The following MYT1L variants were observed in gnomAD, a reference collection of about 807,000 sequenced individuals.
MYT1L encodes the protein myelin transcription factor 1-like protein.
Under a neutral mutation model 126.7 loss-of-function variants are expected in MYT1L, and 12 were observed. The observed-to-expected ratio is 0.09, with a 90% CI of 0.06 to 0.15. The LOEUF (loss-of-function observed/expected upper bound fraction) is 0.15, where lower values mean the gene tolerates loss of function less well. Among genes scored for constraint, MYT1L ranks in the 10% least tolerant of loss-of-function variants. MYT1L has a pLI of 1.00. For synonymous variants in MYT1L, 541 were observed against 604.2 expected, an observed-to-expected ratio of 0.90 and a Z score of 1.53; for missense variants, 979 against 1,585.2, an observed-to-expected ratio of 0.62 and a Z score of 6.49.
chr2:2,156,618 C>T (rs2086767592), intron 3 of MYT1L, among the ~76,000 whole-genome samples: 1 of 152,170 alleles, frequency 6.6e-6, no homozygotes, highest in African/African-American at 2.4e-5. Context: ...TTGCCCTTAC[C>T]AGAGGAGACG....
At position 2,214,547 on chromosome 2, in the gene MYT1L, G is replaced by C. The variant is rs541885646; in HGVS notation, c.-420-41559C>G. On this transcript the variant is annotated intron_variant, in intron 2 of 24. Coordinates refer to ENST00000647738, the MANE Select transcript of MYT1L (RefSeq NM_001303052.2). ...ATCATCAGAAAAAGAAATGCAAATA[G>C]AAAGATAGAACACCATCTTTAAAGT... Among the ~76,000 whole-genome samples, 228 of 152,260 alleles carry C rather than the reference G, an allele frequency of 1.5e-3. 1 individual carries two copies. Among genetic ancestry groups the C allele is most frequent in the Non-Finnish European group, 2.2e-3 (148 of 67,998 alleles).
chr2:1,846,766 C>T (rs969079000), intron 19 of MYT1L, among the ~76,000 whole-genome samples: 9 of 152,158 alleles, frequency 5.9e-5, no homozygotes, highest in African/African-American at 1.4e-4. Flanking sequence ...TGTGACCCTC[C>T]GGACCCTCTG....
At chr2:1,907,853 G>A (rs1312915483) in intron 13 of MYT1L, among the ~76,000 whole-genome samples, 1 of 152,254 alleles carries the variant, frequency 6.6e-6, no homozygotes, top group African/African-American at 2.4e-5. Context: ...TTGTCCTCCA[G>A]CTGTCACACC....
chr2:2,261,138 A>AGT (rs1405599866), intron 2 of MYT1L, among the ~76,000 whole-genome samples: 5 of 128,622 alleles, frequency 3.9e-5, no homozygotes, highest in East Asian at 3.2e-4. Context: ...TGTGTGTGTG[A>AGT]GTGCGTGTGT....
intron 2 of MYT1L, among the ~76,000 whole-genome samples, chr2:2,259,734 T>A (rs1572913101): frequency 1.3e-5 from 2 of 152,112 alleles, no homozygotes; most frequent in South Asian, 4.1e-4. Context: ...GATGTCAAGG[T>A]ACGGGTCATC....
chr2:1,840,907 T>TC (rs2041583147), intron 19 of MYT1L, 64 bp from the exon 20 acceptor site: 2 of 922,520 alleles, frequency 2.2e-6, no homozygotes, highest in Admixed American at 3.0e-5. Flanking sequence ...TTTCTTTCTT[T>TC]TTTTTTTTTT....
intron 21 of MYT1L, among the ~76,000 whole-genome samples, chr2:1,830,481 G>A (rs1290125086): frequency 6.6e-6 from 1 of 152,044 alleles, no homozygotes; most frequent in East Asian, 1.9e-4. Context: ...TGGAGGAAAG[G>A]GTGTTCTCGG....
intron 8 of MYT1L, among the ~76,000 whole-genome samples, chr2:1,969,824 C>G (rs1004185700): frequency 1.3e-5 from 2 of 152,122 alleles, no homozygotes; most frequent in African/African-American, 4.8e-5. Flanking sequence ...GCAGGAGGTG[C>G]AGGAGGATGG....
chr2:1,835,656 G>A (rs913428655), intron 21 of MYT1L, among the ~76,000 whole-genome samples: 6 of 152,110 alleles, frequency 3.9e-5, no homozygotes, highest in South Asian at 4.2e-4. Flanking sequence ...CCACTACTCC[G>A]GGTTTTCCTT....
intron 2 of MYT1L, among the ~76,000 whole-genome samples, chr2:2,202,534 A>C (rs2093127885): frequency 6.6e-6 from 1 of 152,192 alleles, no homozygotes; most frequent in Non-Finnish European, 1.5e-5. Context: ...GAAATGGATA[A>C]ATTCATCAAC....
chr2:2,267,956 C>T lies in MYT1L; in HGVS notation c.-421+16448G>A, dbSNP rs113070587. 5.0e-3 allele frequency among the ~76,000 whole-genome samples: 764 copies of T among 152,180 alleles called. 4 individuals carry two copies. The highest frequency in any genetic ancestry group is 0.017 in the Middle Eastern group (5 of 292). On this transcript the variant is annotated intron_variant, in intron 2 of 24. Transcript: ENST00000647738. ...CCTTTAAGGTCACGCATCCAATACC[C>T]GCTTTGCATGTCTAACTTCAACATT...
chr2:2,058,908 T>C (rs923249106), intron 3 of MYT1L, among the ~76,000 whole-genome samples: 3 of 152,124 alleles, frequency 2.0e-5, no homozygotes, highest in African/African-American at 7.2e-5. Context: ...CCTCAATATT[T>C]AGAAGCGATT....
intron 2 of MYT1L, among the ~76,000 whole-genome samples, chr2:2,214,367 A>G (rs1165937956): frequency 6.6e-6 from 1 of 152,084 alleles, no homozygotes; most frequent in Non-Finnish European, 1.5e-5. Context: ...ACGGATCTAA[A>G]ATAATGAACA....
At chr2:2,185,436 G>C (rs142557652) in intron 2 of MYT1L, among the ~76,000 whole-genome samples, 311 of 151,950 alleles carry the variant, frequency 2.0e-3, no homozygotes, top group African/African-American at 7.0e-3. Flanking sequence ...ACACGTGAGG[G>C]GGACGCAGCC....
At chr2:1,973,913 G>A (rs963384072) in intron 8 of MYT1L, among the ~76,000 whole-genome samples, 1 of 152,170 alleles carries the variant, frequency 6.6e-6, no homozygotes, top group African/African-American at 2.4e-5. Flanking sequence ...ATCTCCACGG[G>A]GCCTTCCCAG....
At chr2:2,109,874 T>TC (rs1355124223) in intron 3 of MYT1L, among the ~76,000 whole-genome samples, 1 of 100,504 alleles carries the variant, frequency 9.9e-6, no homozygotes, top group African/African-American at 4.0e-5. Context: ...AAGTGCTGAT[T>TC]TTATATATAT....
chr2:1,837,563 G>A lies in MYT1L; in HGVS notation c.3080+1586C>T, dbSNP rs139778865. On this transcript the variant is annotated intron_variant, in intron 21 of 24. Transcript: ENST00000647738. ...TGCTTGCACAAGGACATGGAGTTGT[G>A]TGCACAAGGACGTTCACGCGGAGTT... 2.0e-4 allele frequency among the ~76,000 whole-genome samples: 30 copies of A among 152,266 alleles called. 1 individual carries two copies. The East Asian group carries it at 5.4e-3, about 27-fold the overall frequency.
chr2:2,041,006 C>A (rs143176657), intron 4 of MYT1L, among the ~76,000 whole-genome samples: 2 of 152,068 alleles, frequency 1.3e-5, no homozygotes, highest in African/African-American at 4.8e-5. Context: ...AAAATAATTT[C>A]TTTTATTACA....
chr2:2,037,062 C>T (rs1038808624), intron 4 of MYT1L, among the ~76,000 whole-genome samples: 5 of 152,208 alleles, frequency 3.3e-5, no homozygotes, highest in African/African-American at 9.6e-5. Context: ...ATAGTCCCCC[C>T]GCTTAGGGCT....
Sources: allele counts gnomAD v4.1 joint callset (sites outside exome capture counted in the v4.1 genomes callset), GRCh38; gene constraint gnomAD v4.1.1; transcripts MANE v1.5; gene names NCBI Gene and HGNC (gene_info 2026-07-23, HGNC 2026-07-21).